The following KAZN variants were observed in gnomAD, a reference collection of about 807,000 sequenced individuals.
The protein encoded by KAZN is kazrin.
Under a neutral mutation model 87.4 loss-of-function variants are expected in KAZN, and 40 were observed. The observed-to-expected ratio is 0.46, with a 90% CI of 0.36 to 0.60. KAZN has a LOEUF of 0.60. Among genes scored for constraint, KAZN ranks in the 20% least tolerant of loss-of-function variants. KAZN has a pLI of 0.00. For missense variants in KAZN, 898 were observed against 1,073.9 expected (o/e 0.84, Z 2.29); for synonymous variants, 466 against 458.3 (o/e 1.02, Z -0.22).
intron 1 of KAZN, among the ~76,000 whole-genome samples, chr1:14,150,083 C>T (rs1010884865): frequency 2.6e-5 from 4 of 152,288 alleles, no homozygotes; most frequent in African/African-American, 7.2e-5. Context: ...TCTCACCCTA[C>T]AGATGACCTG....
Position 14,877,513 on chromosome 1 carries a change from T to C in KAZN, c.227-83171T>C, listed in dbSNP as rs142090174. ...AACCCAGGAGTTGGGGAAGGGGAGG[T>C]TCTCCAAAGGTGGAGTGTGAAATAG... On this transcript the variant is annotated intron_variant, in intron 1 of 14. Coordinates refer to ENST00000376030, the MANE Select transcript of KAZN (RefSeq NM_201628.3). Among the ~76,000 whole-genome samples, 566 of 152,048 alleles carry C rather than the reference T, an allele frequency of 3.7e-3. 13 individuals are homozygous for C. Among genetic ancestry groups the C allele is most frequent in the East Asian group, 0.029 (149 of 5,166 alleles).
intron 1 of KAZN, among the ~76,000 whole-genome samples, chr1:14,130,191 T>G (rs1005904460): frequency 6.6e-6 from 1 of 152,206 alleles, no homozygotes; most frequent in Non-Finnish European, 1.5e-5. Flanking sequence ...CCTCTTTCTT[T>G]TTTTCATTTA....
At chr1:14,191,886 G>A (rs1300135159) in intron 2 of KAZN, among the ~76,000 whole-genome samples, 1 of 152,116 alleles carries the variant, frequency 6.6e-6, no homozygotes, top group Non-Finnish European at 1.5e-5. Context: ...TCCCTCCAGA[G>A]CTATCCTAGA....
intron 1 of KAZN, among the ~76,000 whole-genome samples, chr1:14,740,947 A>C (rs1474083352): frequency 6.6e-6 from 1 of 152,188 alleles, no homozygotes; most frequent in African/African-American, 2.4e-5. Flanking sequence ...TGGGGGTGGC[A>C]GGTCCTGCCC....
At chr1:14,370,849 T>A (rs1660422219) in intron 2 of KAZN, among the ~76,000 whole-genome samples, 1 of 152,174 alleles carries the variant, frequency 6.6e-6, no homozygotes, top group Admixed American at 6.5e-5. Context: ...CACGCCTGGC[T>A]AATTTTTGTA....
At chr1:14,629,119 TTACAGGTGTGAGCCACCA>T (rs1679370547) in intron 1 of KAZN, among the ~76,000 whole-genome samples, 1 of 152,134 alleles carries the variant, frequency 6.6e-6, no homozygotes, top group South Asian at 2.1e-4. Context: ...AGTGCTTGGA[TTACAGGTGTGAGCCACCA>T]TACCCGGCCT....
intron 3 of KAZN, among the ~76,000 whole-genome samples, chr1:15,043,203 G>T (rs893033327): frequency 8.5e-5 from 13 of 152,192 alleles, no homozygotes; most frequent in Admixed American, 8.5e-4. Flanking sequence ...CGGACCTTGT[G>T]GCAGTCCAGA....
chr1:14,769,465 G>A lies in KAZN; in HGVS notation c.226+170242G>A, dbSNP rs1323654366. ...TGCCTCCCGGGTTCAAGCGATTCTC[G>A]TGCCTCATTCTCCTGAGTATCTGGG... On this transcript the variant is annotated intron_variant, in intron 1 of 14. Coordinates refer to ENST00000376030, the MANE Select transcript of KAZN (RefSeq NM_201628.3). This position sits in a 1 kb window ranked among gnomAD's most constrained non-coding sequence, Gnocchi z 4.1. Among the ~76,000 whole-genome samples the A allele has an allele frequency of 2.0e-5, 3 of 151,950 alleles. No individual in the cohort carries two copies. Among genetic ancestry groups the A allele is most frequent in the Non-Finnish European group, 2.9e-5 (2 of 67,994 alleles).
chr1:15,103,732 G>T (rs529587), intron 12 of KAZN, among the ~76,000 whole-genome samples: 1 of 151,884 alleles, frequency 6.6e-6, no homozygotes, highest in Non-Finnish European at 1.5e-5. Context: ...TTGCTCACAT[G>T]GGGTAGAGAG....
chr1:14,193,432 T>C (rs1409884220), intron 2 of KAZN, among the ~76,000 whole-genome samples: 4 of 152,118 alleles, frequency 2.6e-5, no homozygotes, highest in Non-Finnish European at 4.4e-5. Context: ...AAGACATGCA[T>C]GGGGCTACCA....
intron 1 of KAZN, among the ~76,000 whole-genome samples, chr1:14,811,093 C>T (rs1242114026): frequency 3.9e-5 from 6 of 152,160 alleles, no homozygotes; most frequent in Admixed American, 3.9e-4. Context: ...CTCAAAGCAA[C>T]ATGAGAAATG....
At chr1:13,978,004 TG>T (rs890476792) in intron 1 of KAZN, among the ~76,000 whole-genome samples, 1 of 151,832 alleles carries the variant, frequency 6.6e-6, no homozygotes, top group Non-Finnish European at 1.5e-5. Flanking sequence ...GGTGTGCGCC[TG>T]TGGTCCCAGG....
At chr1:14,073,627 A>G (rs890559700) in intron 1 of KAZN, among the ~76,000 whole-genome samples, 1 of 151,320 alleles carries the variant, frequency 6.6e-6, no homozygotes, top group Admixed American at 6.6e-5. Context: ...TTCAGCTCCC[A>G]CTTATGAGTG....
At chr1:14,032,745 T>C (rs1291849157) in intron 1 of KAZN, among the ~76,000 whole-genome samples, 1 of 152,154 alleles carries the variant, frequency 6.6e-6, no homozygotes, top group Non-Finnish European at 1.5e-5. Context: ...CGTGTGTAAC[T>C]CCTGTGTGTT....
chr1:14,437,226 G>A (rs1666446901), intron 2 of KAZN, among the ~76,000 whole-genome samples: 1 of 152,104 alleles, frequency 6.6e-6, no homozygotes, highest in South Asian at 2.1e-4. Flanking sequence ...TTTCTCAAAG[G>A]AACCCTGACT....
chr1:14,600,153 A>G (rs1262453362), intron 1 of KAZN, among the ~76,000 whole-genome samples: 1 of 151,938 alleles, frequency 6.6e-6, no homozygotes, highest in Admixed American at 6.6e-5. Flanking sequence ...ATCACTGGTT[A>G]TTAATATCAT....
At chr1:14,474,820 G>C (rs1668631352) in intron 2 of KAZN, among the ~76,000 whole-genome samples, 1 of 152,164 alleles carries the variant, frequency 6.6e-6, no homozygotes, top group Non-Finnish European at 1.5e-5. Flanking sequence ...AATGAAGAGA[G>C]AAGGGGGCAA....
At chr1:13,962,076 A>G (rs66994930) in intron 1 of KAZN, among the ~76,000 whole-genome samples, 16,447 of 152,176 alleles carry the variant, frequency 0.11, 1,211 homozygotes, top group East Asian at 0.42. Context: ...TGCAGGAACG[A>G]ACATTTGTCC....
intron 2 of KAZN, among the ~76,000 whole-genome samples, chr1:14,579,560 GC>G (rs1420621140): frequency 6.6e-6 from 1 of 151,744 alleles, no homozygotes; most frequent in African/African-American, 2.4e-5. Context: ...GGGAGGTGGA[GC>G]TTGCGGTGAG....
Sources: gnomAD v4.1 joint callset for allele counts (sites outside exome capture counted in the v4.1 genomes callset) on GRCh38, gnomAD v4.1.1 for gene constraint, Gnocchi (gnomAD v3.1) non-coding constraint, MANE v1.5 for transcripts, NCBI Gene and HGNC (gene_info 2026-07-23, HGNC 2026-07-21) for gene names.